NEO1: variants seen among roughly 807,000 people sequenced by gnomAD.
NEO1 encodes the protein neogenin.
In NEO1, 63 loss-of-function variants were observed where a neutral mutation model predicts 159.7. That is an observed-to-expected ratio of 0.39 (90% CI 0.32 to 0.49). The LOEUF (loss-of-function observed/expected upper bound fraction) is 0.49, where lower values mean the gene tolerates loss of function less well. Among genes scored for constraint, NEO1 ranks in the 20% least tolerant of loss-of-function variants. NEO1 has a pLI of 0.85. For missense variants in NEO1, 1,615 were observed against 1,831.0 expected, an observed-to-expected ratio of 0.88 and a Z score of 2.15; for synonymous variants, 633 against 662.0, an observed-to-expected ratio of 0.96 and a Z score of 0.67.
rs1438950940 is a variant in NEO1 at position 73,265,585 on chromosome 15, C to G, written c.2399-731C>G. Among the ~76,000 whole-genome samples the G allele has an allele frequency of 4.6e-5, 7 of 152,304 alleles. No homozygotes were observed. The East Asian group carries it at 1.2e-3, about 25-fold the overall frequency. ...ATTATGGTTGCTCTTGCCCCTTTTC[C>G]CAATCTCAGTGAATGACACTGCTAT... is the stretch of plus-strand genomic sequence containing the variant. On this transcript the variant is annotated intron_variant, in intron 15 of 28. Coordinates refer to ENST00000261908, the MANE Select transcript of NEO1 (RefSeq NM_002499.4).
intron 5 of NEO1, among the ~76,000 whole-genome samples, chr15:73,144,379 C>T (rs1389545047): frequency 1.3e-5 from 2 of 152,162 alleles, no homozygotes; most frequent in African/African-American, 4.8e-5. Flanking sequence ...GCCATCTCTG[C>T]TTTAAAAACT....
intron 2 of NEO1, among the ~76,000 whole-genome samples, chr15:73,117,924 T>C (rs1374542806): frequency 2.0e-5 from 3 of 151,976 alleles, no homozygotes; most frequent in Non-Finnish European, 4.4e-5. Context: ...TCTTTTTATT[T>C]TTCTTCCTTT....
intron 9 of NEO1, among the ~76,000 whole-genome samples, chr15:73,248,653 A>T (rs1298214336): frequency 6.6e-6 from 1 of 152,186 alleles, no homozygotes; most frequent in Non-Finnish European, 1.5e-5. Context: ...GTTAGCACTT[A>T]CGACATTTTT....
chr15:73,185,752 A>G (rs915570595), intron 7 of NEO1, among the ~76,000 whole-genome samples: 2 of 152,184 alleles, frequency 1.3e-5, no homozygotes, highest in African/African-American at 4.8e-5. Flanking sequence ...ATCTGAATGG[A>G]TAAACAAAGT....
chr15:73,109,801 A>G (rs897253043), intron 1 of NEO1, among the ~76,000 whole-genome samples: 22 of 152,154 alleles, frequency 1.4e-4, no homozygotes, highest in Non-Finnish European at 2.8e-4. Context: ...GACAATTAAA[A>G]TGATCTGTAT....
In NEO1 at chr15:73,298,334, C is replaced by T. The variant is rs1453393492; in HGVS notation, c.3902-14C>T. On this transcript the variant is annotated splice_polypyrimidine_tract_variant and intron_variant, in intron 26 of 28. Coordinates refer to ENST00000261908, the MANE Select transcript of NEO1 (RefSeq NM_002499.4). Reference sequence around the variant, plus strand: ...GGCAAAAGAAATGCTAACATTTAGACTTTCCTGCTGTAGAATCCGTTCGAA... The same window carrying T: ...GGCAAAAGAAATGCTAACATTTAGATTTTCCTGCTGTAGAATCCGTTCGAA... 2 of 1,612,886 alleles carry T rather than the reference C, an allele frequency of 1.2e-6. No homozygotes were observed. Among genetic ancestry groups the T allele is most frequent in the East Asian group, 4.5e-5 (2 of 44,844 alleles).
chr15:73,070,200 A>G (rs1399344795), intron 1 of NEO1, among the ~76,000 whole-genome samples: 1 of 152,208 alleles, frequency 6.6e-6, no homozygotes, highest in Non-Finnish European at 1.5e-5. Flanking sequence ...TAATTTCCCT[A>G]TATGTCGTTC....
intron 5 of NEO1, among the ~76,000 whole-genome samples, chr15:73,138,531 C>T (rs367617881): frequency 4.9e-4 from 75 of 152,104 alleles, no homozygotes; most frequent in African/African-American, 1.6e-3. Context: ...CCGAGGCGGG[C>T]GGATCACGAG....
At chr15:73,105,461 A>G (rs1369621864) in intron 1 of NEO1, among the ~76,000 whole-genome samples, 1 of 152,226 alleles carries the variant, frequency 6.6e-6, no homozygotes, top group East Asian at 1.9e-4. Flanking sequence ...ATTTTCCTAA[A>G]TAACAGTATC....
intron 7 of NEO1, among the ~76,000 whole-genome samples, chr15:73,215,873 G>C (rs2037849337): frequency 6.6e-6 from 1 of 152,030 alleles, no homozygotes; most frequent in African/African-American, 2.4e-5. Context: ...ATTCTTCTTT[G>C]AATGTCTGAT....
At chr15:73,244,981 A>AAAAAAAAAAAACAAC (rs1426485832) in intron 9 of NEO1, among the ~76,000 whole-genome samples, 1 of 148,112 alleles carries the variant, frequency 6.8e-6, no homozygotes, top group Non-Finnish European at 1.5e-5. Context: ...AAAAAAAAAA[A>AAAAAAAAAAAACAAC]AACAACAGCA....
intron 1 of NEO1, among the ~76,000 whole-genome samples, chr15:73,076,872 C>A (rs1320135787): frequency 6.6e-6 from 1 of 152,150 alleles, no homozygotes; most frequent in Non-Finnish European, 1.5e-5. Context: ...GTTTATAAGA[C>A]AACTGTGTTT....
In NEO1 at chr15:73,244,370, C is replaced by T; in HGVS notation, c.1478C>T (p.Pro493Leu). Residue 493 changes from proline (P) to leucine (L), a missense_variant, in exon 9 of 29, where the codon CCA becomes CTA. Pro to Leu is a moderately conservative substitution (Grantham distance 98). This residue lies in a region of NEO1 where 1,018 missense variants were observed against 1,115.4 expected (regional missense o/e 0.91). Transcript: ENST00000261908. ...ARERVENTSH[P>L]GEMQVTIQNL... ...GAACGTGTTGAGAATACCAGTCACC[C>T]AGGAGAGATGCAAGTAACCATTCAA... 1 of 1,613,688 alleles carries T rather than the reference C, an allele frequency of 6.2e-7. No homozygotes were observed. Among genetic ancestry groups the T allele is most frequent in the Non-Finnish European group, 8.5e-7 (1 of 1,179,802 alleles).
intron 1 of NEO1, among the ~76,000 whole-genome samples, chr15:73,097,378 G>C (rs922244820): frequency 1.2e-4 from 2 of 17,184 alleles, no homozygotes; most frequent in Admixed American, 5.7e-4. Context: ...TTTTTTTTTT[G>C]AGACCGAGTC....
At chr15:73,052,910 A>C (rs2067523295) in intron 1 of NEO1, 105 bp downstream of exon 1, 1 of 169,624 alleles carries the variant, frequency 5.9e-6, no homozygotes, top group East Asian at 1.9e-4. Context: ...ACGTGCAGGA[A>C]CTTCTCTGCC....
At chr15:73,077,384 CAAATT>C (rs2068824760) in intron 1 of NEO1, among the ~76,000 whole-genome samples, 1 of 152,186 alleles carries the variant, frequency 6.6e-6, no homozygotes, top group South Asian at 2.1e-4. Flanking sequence ...TTTTTAAACA[CAAATT>C]AAACTAGTTA....
At chr15:73,138,433 C>T (rs1427614499) in intron 5 of NEO1, among the ~76,000 whole-genome samples, 1 of 152,138 alleles carries the variant, frequency 6.6e-6, no homozygotes, top group East Asian at 1.9e-4. Flanking sequence ...AAAGATATAC[C>T]TGGGAAATAC....
At chr15:73,291,492 T>G (rs1410309396) in intron 25 of NEO1, among the ~76,000 whole-genome samples, 1 of 152,186 alleles carries the variant, frequency 6.6e-6, no homozygotes, top group East Asian at 1.9e-4. Flanking sequence ...ACTTGTGGTC[T>G]TTAGGTTTTC....
intron 1 of NEO1, among the ~76,000 whole-genome samples, chr15:73,098,275 A>G (rs537006955): frequency 1.7e-4 from 26 of 152,272 alleles, no homozygotes; most frequent in Non-Finnish European, 3.1e-4. Flanking sequence ...CAGCTGGTCA[A>G]TTAGGTTTGT....
Sources: gnomAD v4.1 joint callset for allele counts (sites outside exome capture counted in the v4.1 genomes callset) on GRCh38, gnomAD v4.1.1 for gene constraint, gnomAD v4.1.1 regional missense constraint, MANE v1.5 for transcripts, NCBI Gene and HGNC (gene_info 2026-07-23, HGNC 2026-07-21) for gene names.